The following LRP1B variants were observed in gnomAD, a reference collection of about 807,000 sequenced individuals.
The protein encoded by LRP1B is low-density lipoprotein receptor-related protein 1B.
A neutral mutation model predicts 556.6 loss-of-function variants in LRP1B; 217 were observed. That is an observed-to-expected ratio of 0.39 (90% CI 0.35 to 0.44). LRP1B has a LOEUF of 0.44. LRP1B is among the 20% of genes least tolerant of loss of function. LRP1B has a pLI of 1.00. For synonymous variants in LRP1B, 2,047 were observed against 1,865.8 expected (o/e 1.10, Z -2.50); for missense variants, 5,053 against 5,620.8 (o/e 0.90, Z 3.23).
chr2:140,764,025 C>T (rs1004460880), intron 35 of LRP1B, among the ~76,000 whole-genome samples: 9 of 152,070 alleles, frequency 5.9e-5, no homozygotes, highest in African/African-American at 1.7e-4. Context: ...CCCAAAGCAA[C>T]AATATTATAT....
chr2:141,640,784 A>T (rs574972693), intron 2 of LRP1B, among the ~76,000 whole-genome samples: 22 of 146,378 alleles, frequency 1.5e-4, no homozygotes, highest in African/African-American at 3.6e-4. Context: ...ACAGAGTGAG[A>T]CTCTGTCTCA....
In LRP1B at chr2:141,237,854, C is replaced by A. The variant is rs1683702564; in HGVS notation, c.593-8414G>T. ...GTCCAACCAAACCAAGGAGGCATTT[C>A]CCCTGTTATCTGAAAGCCTTACTTA... On this transcript the variant is annotated intron_variant, in intron 5 of 90. Transcript: ENST00000389484. Among the ~76,000 whole-genome samples the A allele has an allele frequency of 2.6e-5, 4 of 152,202 alleles. No homozygotes were observed. The South Asian group carries it at 8.3e-4, about 32-fold the overall frequency.
chr2:140,345,951 T>A (rs951175062), intron 77 of LRP1B, among the ~76,000 whole-genome samples: 12 of 150,018 alleles, frequency 8.0e-5, no homozygotes, highest in African/African-American at 2.9e-4. Flanking sequence ...ACTCATCTTA[T>A]CTTGGGATTT....
intron 2 of LRP1B, among the ~76,000 whole-genome samples, chr2:141,623,129 A>T (rs1260603774): frequency 6.6e-6 from 1 of 152,208 alleles, no homozygotes. Context: ...AACCCATCTA[A>T]GAAGGCACAT....
At chr2:141,802,873 G>C (rs1696052851) in intron 2 of LRP1B, among the ~76,000 whole-genome samples, 1 of 152,054 alleles carries the variant, frequency 6.6e-6, no homozygotes, top group African/African-American at 2.4e-5. Context: ...AATAGTTTCT[G>C]GGAAGACTCC....
intron 2 of LRP1B, among the ~76,000 whole-genome samples, chr2:141,722,763 T>TAGAC (rs1424279403): frequency 1.3e-5 from 2 of 152,086 alleles, no homozygotes; most frequent in South Asian, 4.2e-4. Context: ...GATAGATAGA[T>TAGAC]AGATAGATAG....
intron 37 of LRP1B, among the ~76,000 whole-genome samples, chr2:140,714,163 T>C (rs1687131823): frequency 1.3e-5 from 2 of 152,156 alleles, no homozygotes; most frequent in Non-Finnish European, 1.5e-5. Context: ...CATGCCAGCA[T>C]ACTTCACAGT....
intron 2 of LRP1B, among the ~76,000 whole-genome samples, chr2:141,598,518 ATTAT>A (rs1454159555): frequency 1.3e-5 from 2 of 152,036 alleles, no homozygotes; most frequent in Non-Finnish European, 2.9e-5. Context: ...CAGAAATGAT[ATTAT>A]TTATTTTGGT....
chr2:141,654,063 T>A (rs993000840), intron 2 of LRP1B, among the ~76,000 whole-genome samples: 2 of 152,146 alleles, frequency 1.3e-5, no homozygotes, highest in Non-Finnish European at 2.9e-5. Context: ...TGGGCAGGAA[T>A]AGAAACACTA....
At chr2:140,853,254 C>T (rs75744024) in intron 27 of LRP1B, among the ~76,000 whole-genome samples, 5,971 of 152,200 alleles carry the variant, frequency 0.039, 183 homozygotes, top group South Asian at 0.096. Context: ...TCTGAAGACA[C>T]AGGGACACAG....
At chr2:140,701,200 G>T (rs1195081305) in intron 40 of LRP1B, among the ~76,000 whole-genome samples, 4 of 151,928 alleles carry the variant, frequency 2.6e-5, no homozygotes, top group Non-Finnish European at 5.9e-5. Context: ...AAAAAAGTTA[G>T]TTACAATTTA....
At chr2:140,777,817 TACC>T (rs1428260849) in intron 32 of LRP1B, among the ~76,000 whole-genome samples, 1 of 152,032 alleles carries the variant, frequency 6.6e-6, no homozygotes. Flanking sequence ...TTAAAAAATC[TACC>T]AAGAAGTATT....
chr2:141,391,723 A>G (rs1690056014), intron 3 of LRP1B, among the ~76,000 whole-genome samples: 1 of 152,216 alleles, frequency 6.6e-6, no homozygotes, highest in African/African-American at 2.4e-5. Flanking sequence ...AGGCTGCTGC[A>G]GTTGTTGGGA....
At chr2:141,849,738 C>T (rs1287641553) in intron 1 of LRP1B, among the ~76,000 whole-genome samples, 1 of 151,338 alleles carries the variant, frequency 6.6e-6, no homozygotes, top group African/African-American at 2.4e-5. Flanking sequence ...TAATACATAC[C>T]GTAAAATTTC....
chr2:140,748,294 A>ATATATTCATATAT (rs1688400421), intron 35 of LRP1B, among the ~76,000 whole-genome samples: 1 of 64,814 alleles, frequency 1.5e-5, no homozygotes, highest in Non-Finnish European at 3.4e-5. Context: ...ATATATGTAT[A>ATATATTCATATAT]TATATTCATA....
At chr2:141,161,160 T>A (rs961953543) in intron 7 of LRP1B, among the ~76,000 whole-genome samples, 7 of 152,102 alleles carry the variant, frequency 4.6e-5, no homozygotes, top group Non-Finnish European at 7.4e-5. Flanking sequence ...CAAAATTTTT[T>A]AAAAAGTTTT....
chr2:141,276,551 G>C (rs1685295406), intron 3 of LRP1B, among the ~76,000 whole-genome samples: 2 of 151,466 alleles, frequency 1.3e-5, no homozygotes, highest in Admixed American at 1.3e-4. Flanking sequence ...CATGGGGTTT[G>C]TTTTTCTGTT....
intron 5 of LRP1B, among the ~76,000 whole-genome samples, chr2:141,234,787 A>T (rs932868408): frequency 6.6e-6 from 1 of 152,186 alleles, no homozygotes; most frequent in African/African-American, 2.4e-5. Context: ...ATACAGAATC[A>T]TGGTGTGGAG....
intron 53 of LRP1B, among the ~76,000 whole-genome samples, chr2:140,503,584 A>G (rs1043400163): frequency 2.6e-5 from 4 of 152,102 alleles, no homozygotes; most frequent in Non-Finnish European, 5.9e-5. Context: ...GAAAAATTTA[A>G]AAGTCAATTT....
Sources: allele counts gnomAD v4.1 joint callset (sites outside exome capture counted in the v4.1 genomes callset), GRCh38; gene constraint gnomAD v4.1.1; transcripts MANE v1.5; gene names NCBI Gene and HGNC (gene_info 2026-07-23, HGNC 2026-07-21).